Variants in MSRA observed in about 807,000 individuals in gnomAD.
MSRA encodes mitochondrial peptide methionine sulfoxide reductase.
Under a neutral mutation model 31.3 loss-of-function variants are expected in MSRA, and 54 were observed. The ratio of observed to expected loss-of-function variants is 1.73; its 90% confidence interval spans 1.39 to 2.17. The LOEUF (loss-of-function observed/expected upper bound fraction) is 2.17, where lower values mean the gene tolerates loss of function less well. MSRA is among the 30% of genes most tolerant of loss of function. The probability of loss-of-function intolerance (pLI) is 0.00; values close to 1 mark genes in which losing one functional copy is unlikely to be tolerated. For missense variants in MSRA, 507 were observed against 300.9 expected, an observed-to-expected ratio of 1.69 and a Z score of -5.07; for synonymous variants, 169 against 116.5, an observed-to-expected ratio of 1.45 and a Z score of -2.90.
intron 5 of MSRA, 45 bp downstream of exon 5, chr8:10,320,034 C>A: frequency 7.6e-7 from 1 of 1,318,172 alleles, no homozygotes; most frequent in Non-Finnish European, 1.1e-6. Flanking sequence ...GCCACCATGA[C>A]TAGGGCCAGG....
chr8:10,075,986 G>C (rs967121282), intron 1 of MSRA, among the ~76,000 whole-genome samples: 2 of 152,168 alleles, frequency 1.3e-5, no homozygotes, highest in East Asian at 1.9e-4. Flanking sequence ...AGTATAAATA[G>C]GCACATTCAG....
rs372298117 is a variant in MSRA, at chr8:10,113,501, T to C, written c.142+58843T>C. 2.6e-5 allele frequency among the ~76,000 whole-genome samples: 4 copies of C among 151,386 alleles called. No homozygotes were observed. The East Asian group carries it at 5.9e-4, about 22-fold the overall frequency. On this transcript the variant is annotated intron_variant, in intron 1 of 5. Coordinates refer to ENST00000317173, the MANE Select transcript of MSRA (RefSeq NM_012331.5). ...TGTGCAGAACTGACGTTCATAGGTT[T>C]GGTGATGGGATGTTGGGGAAGTTTT...
chr8:10,287,961 G>A (rs1427174582), intron 3 of MSRA, among the ~76,000 whole-genome samples: 3 of 152,028 alleles, frequency 2.0e-5, no homozygotes, highest in South Asian at 2.1e-4. Context: ...CTTTGAGGTC[G>A]GGACCTGTCT....
chr8:10,054,668 G>A lies in MSRA; in HGVS notation c.142+10G>A. 1.3e-6 allele frequency: 2 copies of A among 1,509,906 alleles called. No individual in the cohort carries two copies. Among genetic ancestry groups the A allele is most frequent in the Non-Finnish European group, 1.8e-6 (2 of 1,124,328 alleles). The allele number at this position is 1,509,906 out of a possible 1,614,324, so 93.5% of individuals were successfully genotyped here. On this transcript the variant is annotated intron_variant, in intron 1 of 5. Coordinates refer to ENST00000317173, the MANE Select transcript of MSRA (RefSeq NM_012331.5). The stretch of plus-strand genomic sequence containing the variant: ...CAGACCCCTGTAGCGGGTAAGCACT[G>A]GCCACACGGAAGGCGCGGGCGGCGA...
Position 10,400,661 on chromosome 8 carries a change from G to C in MSRA, c.544-27487G>C, listed in dbSNP as rs539960798. Among the ~76,000 whole-genome samples, 20 of 152,262 alleles carry C rather than the reference G, an allele frequency of 1.3e-4. No individual in the cohort carries two copies. The East Asian group carries it at 3.9e-3, about 29-fold the overall frequency. ...AGTCTGGTTGCTGAGGTGGTGGCAGGAGGAGAAGCATAATGGGTAGTGTTA... is the reference window on the plus strand; with the variant it reads ...AGTCTGGTTGCTGAGGTGGTGGCAGCAGGAGAAGCATAATGGGTAGTGTTA... On this transcript the variant is annotated intron_variant, in intron 5 of 5. Transcript: ENST00000317173.
intron 3 of MSRA, among the ~76,000 whole-genome samples, chr8:10,293,895 C>T (rs943462082): frequency 6.6e-6 from 1 of 152,158 alleles, no homozygotes; most frequent in Admixed American, 6.5e-5. Context: ...GGTTCACAAC[C>T]TTTCCTTAAC....
intron 5 of MSRA, among the ~76,000 whole-genome samples, chr8:10,327,088 AAG>A (rs1420728594): frequency 1.3e-5 from 2 of 152,362 alleles, no homozygotes; most frequent in Middle Eastern, 3.4e-3. Flanking sequence ...TCTCGCGAAA[AAG>A]AGAGAAGAAA....
chr8:10,056,713 G>C (rs948728545), intron 1 of MSRA, among the ~76,000 whole-genome samples: 1 of 152,140 alleles, frequency 6.6e-6, no homozygotes, highest in Non-Finnish European at 1.5e-5. Context: ...TACCTCTTCA[G>C]TGGGTTTCAG....
chr8:10,142,075 C>G (rs1802764273), intron 1 of MSRA, among the ~76,000 whole-genome samples: 1 of 152,208 alleles, frequency 6.6e-6, no homozygotes, highest in African/African-American at 2.4e-5. Flanking sequence ...TCTCCTGTCT[C>G]AGACTGCCGA....
chr8:10,307,927 C>T (rs113787772), intron 4 of MSRA, among the ~76,000 whole-genome samples: 4 of 152,352 alleles, frequency 2.6e-5, no homozygotes, highest in African/African-American at 9.6e-5. Flanking sequence ...TAAATTCTGA[C>T]TATGGGGGCC....
rs181603387 is a variant in MSRA, at chr8:10,265,408, G to A, written c.331+20185G>A. Among the ~76,000 whole-genome samples the A allele has an allele frequency of 4.3e-4, 65 of 152,216 alleles. 1 individual carries two copies. Among genetic ancestry groups the A allele is most frequent in the Admixed American group, 3.8e-3 (58 of 15,292 alleles). ...GTGCTCACAAAGTGTGGTGGCTGCT[G>A]GAAATAGTGACCTATGCCTCTCATT... On this transcript the variant is annotated intron_variant, in intron 3 of 5. Coordinates refer to ENST00000317173, the MANE Select transcript of MSRA (RefSeq NM_012331.5).
intron 5 of MSRA, among the ~76,000 whole-genome samples, chr8:10,415,701 C>T (rs1808417206): frequency 6.6e-6 from 1 of 151,946 alleles, no homozygotes; most frequent in Non-Finnish European, 1.5e-5. Context: ...CTGACTTGCC[C>T]TCCCTGCACT....
At chr8:10,097,237 C>T (rs1232126391) in intron 1 of MSRA, among the ~76,000 whole-genome samples, 2 of 152,132 alleles carry the variant, frequency 1.3e-5, no homozygotes, top group South Asian at 2.1e-4. Context: ...GTATGTTCTT[C>T]AACTTTTTAA....
intron 1 of MSRA, among the ~76,000 whole-genome samples, chr8:10,090,178 T>C (rs374998434): frequency 3.7e-4 from 56 of 152,218 alleles, no homozygotes; most frequent in African/African-American, 1.3e-3. Context: ...AATTTTGAAT[T>C]CCCTAGGGCC....
At chr8:10,151,279 A>AAAAAAAT (rs1803650897) in intron 1 of MSRA, among the ~76,000 whole-genome samples, 1 of 143,336 alleles carries the variant, frequency 7.0e-6, no homozygotes. Flanking sequence ...AAAAAAAAAA[A>AAAAAAAT]AAAAAAAAAT....
chr8:10,425,008 G>T (rs1477214864), intron 5 of MSRA, among the ~76,000 whole-genome samples: 1 of 152,230 alleles, frequency 6.6e-6, no homozygotes, highest in Non-Finnish European at 1.5e-5. Flanking sequence ...GGAGTTGTCC[G>T]AGGGGAGTGA....
At chr8:10,068,422 T>A (rs1223719415) in intron 1 of MSRA, among the ~76,000 whole-genome samples, 3 of 152,248 alleles carry the variant, frequency 2.0e-5, no homozygotes, top group Non-Finnish European at 4.4e-5. Flanking sequence ...TTCTCCTGTG[T>A]TATCTTCTAG....
intron 5 of MSRA, among the ~76,000 whole-genome samples, chr8:10,376,610 G>A (rs1026437546): frequency 6.6e-6 from 1 of 152,142 alleles, no homozygotes; most frequent in African/African-American, 2.4e-5. Context: ...CACACAGTAA[G>A]TGCTTAATAA....
At chr8:10,364,831 C>T (rs1805063691) in intron 5 of MSRA, among the ~76,000 whole-genome samples, 1 of 152,100 alleles carries the variant, frequency 6.6e-6, no homozygotes, top group African/African-American at 2.4e-5. Flanking sequence ...TGGGAAATCC[C>T]CGGATGTAGA....
Sources: gnomAD v4.1 joint callset for allele counts (sites outside exome capture counted in the v4.1 genomes callset) on GRCh38, gnomAD v4.1.1 for gene constraint, MANE v1.5 for transcripts, NCBI Gene and HGNC (gene_info 2026-07-23, HGNC 2026-07-21) for gene names.